FRMD4B: variants seen among roughly 807,000 people sequenced by gnomAD.
FRMD4B encodes the protein FERM domain-containing protein 4B.
FRMD4B carries 74 observed loss-of-function variants against 141.5 expected under a neutral mutation model. The ratio of observed to expected loss-of-function variants is 0.52; its 90% confidence interval spans 0.43 to 0.63. The LOEUF (loss-of-function observed/expected upper bound fraction) is 0.63, where lower values mean the gene tolerates loss of function less well. Ranked by LOEUF, FRMD4B falls within the 30% of genes least tolerant of loss-of-function variation. The pLI is 0.00. For missense variants in FRMD4B, 1,366 were observed against 1,253.4 expected (o/e 1.09, Z -1.36); for synonymous variants, 506 against 467.9 (o/e 1.08, Z -1.05).
intron 1 of FRMD4B, among the ~76,000 whole-genome samples, chr3:69,477,182 T>A (rs974894578): frequency 6.6e-6 from 1 of 152,174 alleles, no homozygotes; most frequent in African/African-American, 2.4e-5. Context: ...TTTTCCTAAT[T>A]GAATACCCTT....
At chr3:69,512,527 T>C (rs1192525378) in intron 1 of FRMD4B, among the ~76,000 whole-genome samples, 2 of 152,330 alleles carry the variant, frequency 1.3e-5, no homozygotes, top group South Asian at 2.1e-4. Flanking sequence ...GGCAGGTGGA[T>C]AGTTCTGCTC....
Position 69,218,355 on chromosome 3 carries a change from T to G in FRMD4B, c.756A>C (p.Leu252=), listed in dbSNP as rs373528397. 7.3e-6 allele frequency: 11 copies of G among 1,499,194 alleles called. No individual in the cohort carries two copies. Among genetic ancestry groups the G allele is most frequent in the African/African-American group, 1.4e-5 (1 of 72,544 alleles). 92.9% of individuals were successfully genotyped at this position (1,499,194 alleles called of 1,614,324 possible). A position where few individuals can be genotyped will look rare whatever the true frequency, so the allele number is the denominator to read the frequency against. The change falls in exon 10 of 23, where the codon CTA becomes CTC. Residue 252 remains leucine (L), a synonymous_variant. Coordinates refer to ENST00000398540, the MANE Select transcript of FRMD4B (RefSeq NM_015123.3). ...CATAATAATGGACACCGTAAGTCGG[T>G]AGAGCTTCTACTATTTTCATATACC... ...VVQYMKIVEA[L]PTYGVHYYAV...
chr3:69,188,625 C>A lies in FRMD4B; in HGVS notation c.1772-708G>T, dbSNP rs534473470. Among the ~76,000 whole-genome samples the A allele has an allele frequency of 1.4e-4, 21 of 151,666 alleles. 1 individual carries two copies. In the East Asian group the frequency reaches 4.1e-3, roughly 30 times the overall value. On this transcript the variant is annotated intron_variant, in intron 18 of 22. Transcript: ENST00000398540. Reference sequence around the variant, plus strand: ...ACAAAAAATTAGCCGGGCGCGGTGGCGGGCGCCTGTAGTCCCAGCTACTCG... The same window carrying A: ...ACAAAAAATTAGCCGGGCGCGGTGGAGGGCGCCTGTAGTCCCAGCTACTCG...
intron 3 of FRMD4B, among the ~76,000 whole-genome samples, chr3:69,302,799 A>G (rs1465511692): frequency 6.6e-6 from 1 of 152,226 alleles, no homozygotes; most frequent in African/African-American, 2.4e-5. Context: ...GTGGGCAGGC[A>G]CAGTGGCTCA....
chr3:69,378,412 T>C (rs1300897470), intron 1 of FRMD4B, among the ~76,000 whole-genome samples: 1 of 152,164 alleles, frequency 6.6e-6, no homozygotes, highest in African/African-American at 2.4e-5. Context: ...TGGCAATGTT[T>C]AGGAACATTC....
chr3:69,216,208 T>G, intron 11 of FRMD4B, 55 bp downstream of exon 11: 1 of 938,794 alleles, frequency 1.1e-6, no homozygotes, highest in Non-Finnish European at 1.7e-6. Context: ...TCAACTATGT[T>G]GTGATTAACA....
chr3:69,228,307 T>C (rs1025552629), intron 7 of FRMD4B: 141 of 456,524 alleles, frequency 3.1e-4, no homozygotes, highest in Non-Finnish European at 5.4e-4. Context: ...TTTTCTCTTA[T>C]GTCACTCTGA....
In FRMD4B at chr3:69,183,773, C is replaced by T. The variant is rs565989341; in HGVS notation, c.1920-1056G>A. ...CTGGGATTACAGGCGTGAGCCACCG[C>T]GCCCAGCCTGAAGTTAATTTTTTTT... is the stretch of plus-strand genomic sequence containing the variant. On this transcript the variant is annotated intron_variant, in intron 19 of 22. Transcript: ENST00000398540. 1.4e-4 allele frequency among the ~76,000 whole-genome samples: 21 copies of T among 151,920 alleles called. No homozygotes were observed. The South Asian group carries it at 3.3e-3, about 24-fold the overall frequency.
At chr3:69,420,040 G>A (rs955178066) in intron 2 of FRMD4B, among the ~76,000 whole-genome samples, 6 of 152,100 alleles carry the variant, frequency 3.9e-5, no homozygotes, top group African/African-American at 1.4e-4. Flanking sequence ...TACTTTCAGT[G>A]GAGACAGGGT....
chr3:69,449,350 T>G (rs1002501611), intron 1 of FRMD4B, among the ~76,000 whole-genome samples: 4 of 152,238 alleles, frequency 2.6e-5, no homozygotes, highest in African/African-American at 9.6e-5. Context: ...ACATTTGTTT[T>G]GAGAACCTTA....
intron 5 of FRMD4B, among the ~76,000 whole-genome samples, chr3:69,265,272 ATATATATAT>A (rs1559763002): frequency 0.025 from 405 of 16,182 alleles, 58 homozygotes; most frequent in Non-Finnish European, 0.031. Flanking sequence ...AAAAAAAAAT[ATATATATAT>A]ATATATATAT....
intron 4 of FRMD4B, among the ~76,000 whole-genome samples, chr3:69,289,522 G>C (rs1481833368): frequency 5.9e-5 from 9 of 152,194 alleles, no homozygotes; most frequent in Non-Finnish European, 1.2e-4. Flanking sequence ...CAGGCCAGAC[G>C]CAGTGGCTCA....
intron 1 of FRMD4B, among the ~76,000 whole-genome samples, chr3:69,317,611 T>G (rs1701845933): frequency 6.6e-6 from 1 of 151,686 alleles, no homozygotes; most frequent in Admixed American, 6.6e-5. Flanking sequence ...AAAAATTAGC[T>G]GGGTGTGGTG....
At chr3:69,465,343 G>A (rs562146669) in intron 1 of FRMD4B, among the ~76,000 whole-genome samples, 36 of 149,344 alleles carry the variant, frequency 2.4e-4, no homozygotes, top group Non-Finnish European at 3.8e-4. Flanking sequence ...AAAACCTTCA[G>A]GAAATACAGA....
At chr3:69,438,422 A>G (rs2032346877) in intron 1 of FRMD4B, among the ~76,000 whole-genome samples, 1 of 152,100 alleles carries the variant, frequency 6.6e-6, no homozygotes, top group African/African-American at 2.4e-5. Flanking sequence ...TGAATATTTT[A>G]CCACAATAAA....
At chr3:69,331,669 AG>A (rs1409558030) in intron 1 of FRMD4B, among the ~76,000 whole-genome samples, 1 of 152,198 alleles carries the variant, frequency 6.6e-6, no homozygotes, top group Non-Finnish European at 1.5e-5. Flanking sequence ...AGATACTAAA[AG>A]CACACTCACT....
At chr3:69,317,071 A>T (rs1281310572) in intron 1 of FRMD4B, among the ~76,000 whole-genome samples, 1 of 140,742 alleles carries the variant, frequency 7.1e-6, no homozygotes, top group Non-Finnish European at 1.5e-5. Context: ...CAAGAGCGAA[A>T]CTCCGCCTCA....
At chr3:69,411,050 C>A (rs1704752817) in intron 2 of FRMD4B, among the ~76,000 whole-genome samples, 1 of 151,960 alleles carries the variant, frequency 6.6e-6, no homozygotes, top group African/African-American at 2.4e-5. Flanking sequence ...GAGATGGCAT[C>A]CCTGATTGAA....
intron 1 of FRMD4B, among the ~76,000 whole-genome samples, chr3:69,531,911 C>A (rs2107157272): frequency 6.6e-6 from 1 of 152,294 alleles, no homozygotes; most frequent in East Asian, 1.9e-4. Context: ...ATGCCCCATT[C>A]TTTCAGGCAG....
Sources: allele counts gnomAD v4.1 joint callset (sites outside exome capture counted in the v4.1 genomes callset), GRCh38; gene constraint gnomAD v4.1.1; transcripts MANE v1.5; gene names NCBI Gene and HGNC (gene_info 2026-07-23, HGNC 2026-07-21).